PCDHGA9: variants seen among roughly 807,000 people sequenced by gnomAD.
The protein encoded by PCDHGA9 is protocadherin gamma-A9.
A neutral mutation model predicts 62.5 loss-of-function variants in PCDHGA9; 37 were observed. The observed-to-expected ratio is 0.59, with a 90% CI of 0.46 to 0.78. The LOEUF is 0.78. PCDHGA9 is among the 30% of genes least tolerant of loss of function. The pLI is 0.00. For synonymous variants in PCDHGA9, 459 were observed against 484.6 expected, an observed-to-expected ratio of 0.95 and a Z score of 0.69; for missense variants, 1,138 against 1,166.2, an observed-to-expected ratio of 0.98 and a Z score of 0.35.
Position 141,431,253 on chromosome 5 carries a change from A to G in PCDHGA9, c.2424+25877A>G, listed in dbSNP as rs1554123268. The G allele has an allele frequency of 1.2e-6, 2 of 1,614,132 alleles. No individual in the cohort carries two copies. Among genetic ancestry groups the G allele is most frequent in the South Asian group, 1.1e-5 (1 of 91,088 alleles). ...GCCTGGGATCCGGATATCGGGAAGA[A>G]CTCTCTGCAGAGCTACGAGCTCAGC... is the stretch of plus-strand genomic sequence containing the variant. On this transcript the variant is annotated intron_variant, in intron 1 of 3. Transcript: ENST00000573521. The surrounding 1 kb of genome is among the most constrained non-coding windows in gnomAD (Gnocchi z 4.8).
chr5:141,410,086 G>C (rs759204005), intron 1 of PCDHGA9: 1 of 1,612,588 alleles, frequency 6.2e-7, no homozygotes, highest in Non-Finnish European at 8.5e-7. Flanking sequence ...AGGTGCGCAC[G>C]GCTCGAGCCT....
rs1057108915 is a variant in PCDHGA9 at position 141,511,366 on chromosome 5, T to C, written c.*193T>C. The C allele has an allele frequency of 3.8e-6, 5 of 1,306,414 alleles. No individual in the cohort carries two copies. In the Admixed American group the frequency reaches 8.4e-5, roughly 22 times the overall value. The allele number at this position is 1,306,414 out of a possible 1,614,324, so 80.9% of individuals were successfully genotyped here. A position where few individuals can be genotyped will look rare whatever the true frequency, so the allele number is the denominator to read the frequency against. On this transcript the variant is annotated 3_prime_UTR_variant, in exon 4 of 4. Transcript: ENST00000573521. ...CCCTTCCCCCCCAGGGGGTTGAATA[T>C]GCAAAAGCAGTTCCGCTGGGAACCC...
chr5:141,446,260 TA>T (rs1207497940), intron 1 of PCDHGA9, among the ~76,000 whole-genome samples: 4 of 152,130 alleles, frequency 2.6e-5, no homozygotes, highest in Non-Finnish European at 4.4e-5. Context: ...GAAATATTAT[TA>T]ACTGAATAAA....
intron 3 of PCDHGA9, among the ~76,000 whole-genome samples, chr5:141,510,415 C>G (rs2099881071): frequency 6.6e-6 from 1 of 152,082 alleles, no homozygotes; most frequent in Admixed American, 6.5e-5. Flanking sequence ...GCATGTAAAG[C>G]CATGGTTTCA....
In PCDHGA9 at chr5:141,409,485, G is replaced by A. The variant is rs374642418; in HGVS notation, c.2424+4109G>A. On this transcript the variant is annotated intron_variant, in intron 1 of 3. Coordinates refer to ENST00000573521, the MANE Select transcript of PCDHGA9 (RefSeq NM_018921.3). ...GTCACCATCGTAGCCACTGACAGGG[G>A]CAAGCCGCCTCTTTCTTCCAGTAGA... 9.9e-6 allele frequency: 16 copies of A among 1,613,856 alleles called. No homozygotes were observed. Among genetic ancestry groups the A allele is most frequent in the African/African-American group, 9.3e-5 (7 of 74,934 alleles).
intron 1 of PCDHGA9, among the ~76,000 whole-genome samples, chr5:141,465,040 C>T (rs1396261200): frequency 6.6e-6 from 1 of 151,842 alleles, no homozygotes; most frequent in Non-Finnish European, 1.5e-5. Context: ...CCACAAATGA[C>T]CCTATATATT....
At chr5:141,480,033 C>T (rs370321166) in intron 1 of PCDHGA9, among the ~76,000 whole-genome samples, 1 of 152,106 alleles carries the variant, frequency 6.6e-6, no homozygotes, top group African/African-American at 2.4e-5. Flanking sequence ...AAGCCTCTTC[C>T]TCATATGCAA....
rs1419365808 is a variant in PCDHGA9 at position 141,477,321 on chromosome 5, C to G, written c.2425-17486C>G. 1.2e-6 allele frequency: 2 copies of G among 1,614,160 alleles called. No homozygotes were observed. Among genetic ancestry groups the G allele is most frequent in the East Asian group, 4.5e-5 (2 of 44,874 alleles). On this transcript the variant is annotated intron_variant, in intron 1 of 3. Coordinates refer to ENST00000573521, the MANE Select transcript of PCDHGA9 (RefSeq NM_018921.3). The surrounding 1 kb of genome is among the most constrained non-coding windows in gnomAD (Gnocchi z 4.9). Reference sequence around the variant, plus strand: ...GGTCTCCCTTTCAGCCTTACTTCTTCCCTCAAGAATTACTTCACTTTGAAA... The same window carrying G: ...GGTCTCCCTTTCAGCCTTACTTCTTGCCTCAAGAATTACTTCACTTTGAAA...
rs115001531 is a variant in PCDHGA9, at chr5:141,495,385, G to A, written c.2483+520G>A. Among the ~76,000 whole-genome samples the A allele has an allele frequency of 2.2e-3, 339 of 152,328 alleles. 1 individual carries two copies. Among genetic ancestry groups the A allele is most frequent in the African/African-American group, 7.9e-3 (329 of 41,590 alleles). ...AGGTGGAACTGAGGAAGGACTGGGC[G>A]GGGCATGGAGCAGGCCCCCTTCTCC... On this transcript the variant is annotated intron_variant, in intron 2 of 3. Transcript: ENST00000573521.
At position 141,486,038 on chromosome 5, in the gene PCDHGA9, G is replaced by T; in HGVS notation, c.2425-8769G>T. The stretch of plus-strand genomic sequence containing the variant: ...TTTCAGTGGTCATACCCCTGATCGT[G>T]TAAGAAACCTCTTTAGCCTGCACCC... On this transcript the variant is annotated intron_variant, in intron 1 of 3. Coordinates refer to ENST00000573521, the MANE Select transcript of PCDHGA9 (RefSeq NM_018921.3). This position sits in a 1 kb window ranked among gnomAD's most constrained non-coding sequence, Gnocchi z 5.0. The T allele has an allele frequency of 3.1e-6, 5 of 1,614,184 alleles. No individual in the cohort carries two copies. Among genetic ancestry groups the T allele is most frequent in the Non-Finnish European group, 4.2e-6 (5 of 1,180,018 alleles).
At chr5:141,411,489 T>C (rs1229059443) in intron 1 of PCDHGA9, 1 of 152,090 alleles carries the variant, frequency 6.6e-6, no homozygotes, top group Non-Finnish European at 1.5e-5. Context: ...GAGGCTGAGC[T>C]GGGTGGATTG....
rs2233613 is a variant in PCDHGA9 at position 141,511,203 on chromosome 5, G to A, written c.*30G>A. 0.14 allele frequency: 222,603 copies of A among 1,611,360 alleles called. 15,640 individuals carry two copies. The highest frequency in any genetic ancestry group is 0.18 in the Admixed American group (10,873 of 59,374). ...GAGGCCAGGCCAAGAGCCACAGGGC[G>A]GCCTCTCCCCAACCAGCCCAGCTTC... On this transcript the variant is annotated 3_prime_UTR_variant, in exon 4 of 4. Transcript: ENST00000573521.
rs987773604 is a variant in PCDHGA9 at position 141,409,588 on chromosome 5, C to G, written c.2424+4212C>G. 5.6e-6 allele frequency: 9 copies of G among 1,613,760 alleles called. 1 individual carries two copies. The highest frequency in any genetic ancestry group is 7.6e-6 in the Non-Finnish European group (9 of 1,179,892). On this transcript the variant is annotated intron_variant, in intron 1 of 3. Transcript: ENST00000573521. ...AGACGTCCTACGTGGTCCACGTGGC[C>G]GAGAACAACCCGCCAGGAGCCTCCA...
chr5:141,413,841 T>G, intron 1 of PCDHGA9: 1 of 1,613,060 alleles, frequency 6.2e-7, no homozygotes, highest in Non-Finnish European at 8.5e-7. Context: ...CCGACGGGGG[T>G]GACCCTCTCC....
At chr5:141,418,901 A>G in intron 1 of PCDHGA9, 1 of 1,614,016 alleles carries the variant, frequency 6.2e-7, no homozygotes, top group East Asian at 2.2e-5. Context: ...CCCAGAAATA[A>G]TCATCACGTC....
chr5:141,403,467 T>G lies in PCDHGA9; in HGVS notation c.515T>G (p.Leu172Arg). 1 of 1,614,020 alleles carries G rather than the reference T, an allele frequency of 6.2e-7. No homozygotes were observed. Among genetic ancestry groups the G allele is most frequent in the Non-Finnish European group, 8.5e-7 (1 of 1,179,896 alleles). The change falls in exon 1 of 4, where the codon CTC (leucine) becomes CGC (arginine). Residue 172 changes from leucine (L) to arginine (R), a missense_variant. Coordinates refer to ENST00000573521, the MANE Select transcript of PCDHGA9 (RefSeq NM_018921.3). ...GTGAACTCCCTCCAGAGCTACCAGC[T>G]CAGCCCCAATCACCACTTCTCCCTG... ...VGVNSLQSYQLSPNHHFSLNV... is the reference protein window; with the variant it reads ...VGVNSLQSYQRSPNHHFSLNV...
intron 1 of PCDHGA9, chr5:141,409,887 TGCTGTAC>T: frequency 6.2e-7 from 1 of 1,613,062 alleles, no homozygotes; most frequent in Non-Finnish European, 8.5e-7. Flanking sequence ...GCACCGCGGG[TGCTGTAC>T]CCAGCTCTGG....
At chr5:141,427,945 A>G (rs747625541) in intron 1 of PCDHGA9, 22 of 1,586,364 alleles carry the variant, frequency 1.4e-5, no homozygotes, top group Middle Eastern at 1.7e-4. Flanking sequence ...GGCGACCTCA[A>G]TGACAATGTG....
In PCDHGA9 at chr5:141,431,318, G is replaced by T. The variant is rs1309389474; in HGVS notation, c.2424+25942G>T. The T allele has an allele frequency of 6.2e-7, 1 of 1,614,086 alleles. No individual in the cohort carries two copies. Among genetic ancestry groups the T allele is most frequent in the African/African-American group, 1.3e-5 (1 of 75,050 alleles). ...CTCCCTCATCGTGCAAAATGGAGCCGACGGTAGTAAGTACCCCGAATTGGT... is the reference window on the plus strand; with the variant it reads ...CTCCCTCATCGTGCAAAATGGAGCCTACGGTAGTAAGTACCCCGAATTGGT... On this transcript the variant is annotated intron_variant, in intron 1 of 3. Coordinates refer to ENST00000573521, the MANE Select transcript of PCDHGA9 (RefSeq NM_018921.3). The surrounding 1 kb of genome is among the most constrained non-coding windows in gnomAD (Gnocchi z 4.8).
Sources: gnomAD v4.1 joint callset for allele counts (sites outside exome capture counted in the v4.1 genomes callset) on GRCh38, gnomAD v4.1.1 for gene constraint, Gnocchi (gnomAD v3.1) non-coding constraint, MANE v1.5 for transcripts, NCBI Gene and HGNC (gene_info 2026-07-23, HGNC 2026-07-21) for gene names.